B3GALT5: variants seen among roughly 807,000 people sequenced by gnomAD.
B3GALT5 encodes the protein UDP-Gal:betaGlcNAc beta 1,3-galactosyltransferase, polypeptide 5.
For synonymous variants in B3GALT5, 156 were observed against 158.6 expected (o/e 0.98, Z 0.12); for missense variants, 328 against 396.6 (o/e 0.83, Z 1.47).
intron 1 of B3GALT5, among the ~76,000 whole-genome samples, chr21:39,635,222 G>C (rs1430679161): frequency 6.6e-6 from 1 of 152,170 alleles, no homozygotes; most frequent in Non-Finnish European, 1.5e-5. Context: ...TCTTTTGTTA[G>C]TGTTGGGAGG....
chr21:39,638,073 G>A (rs2079241782), intron 1 of B3GALT5, among the ~76,000 whole-genome samples: 1 of 152,182 alleles, frequency 6.6e-6, no homozygotes, highest in African/African-American at 2.4e-5. Flanking sequence ...AAGAGGGGAA[G>A]AGAAGTGCTG....
At position 39,655,571 on chromosome 21, in the gene B3GALT5, G is replaced by T. The variant is rs904918496; in HGVS notation, c.-160-4182G>T. 3.3e-5 allele frequency among the ~76,000 whole-genome samples: 5 copies of T among 152,138 alleles called. No homozygotes were observed. In the East Asian group the frequency reaches 9.7e-4, roughly 29 times the overall value. The stretch of plus-strand genomic sequence containing the variant: ...TCAGCTCACTTGGGAGATTCTCTCT[G>T]CTTGAGGCCAGGGGTAGGTCCAGGT... On this transcript the variant is annotated intron_variant, in intron 2 of 3. Coordinates refer to ENST00000684187, the MANE Select transcript of B3GALT5 (RefSeq NM_001356336.2).
chr21:39,660,822 G>C lies in B3GALT5; in HGVS notation c.263G>C (p.Gly88Ala), dbSNP rs371402650. The change falls in exon 4 of 4, where the codon GGA (glycine) becomes GCA (alanine). Residue 88 changes from glycine (G) to alanine (A), a missense_variant. Transcript: ENST00000684187. Reference sequence around the variant, plus strand: ...TGGGGGAAAGAGAGGATGGTGAAGGGAAAGCAGCTGAAGACATTCTTCCTC... The same window carrying C: ...TGGGGGAAAGAGAGGATGGTGAAGGCAAAGCAGCTGAAGACATTCTTCCTC... ...QTWGKERMVK[G>A]KQLKTFFLLG... 1.9e-6 allele frequency: 3 copies of C among 1,601,622 alleles called. No individual in the cohort carries two copies. The African/African-American group carries it at 4.0e-5, about 21-fold the overall frequency.
chr21:39,647,128 A>G (rs1200602084), intron 2 of B3GALT5, among the ~76,000 whole-genome samples: 1 of 151,878 alleles, frequency 6.6e-6, no homozygotes, highest in Admixed American at 6.6e-5. Context: ...AAAACCAAAA[A>G]CTCCACACAG....
rs2079502428 is a variant in B3GALT5 at position 39,660,540 on chromosome 21, T to C, written c.1-20T>C. The C allele has an allele frequency of 1.4e-6, 2 of 1,409,224 alleles. No individual in the cohort carries two copies. The highest frequency in any genetic ancestry group is 2.1e-5 in the South Asian group (1 of 48,484). The allele number at this position is 1,409,224 out of a possible 1,614,324, so 87.3% of individuals were successfully genotyped here. ...TCCTCATGCTTTTGAGGTCTAATCA[T>C]TGGATTTTGTTCCTTTCAGATGGCT... On this transcript the variant is annotated intron_variant, in intron 3 of 3. Transcript: ENST00000684187.
chr21:39,646,367 C>T (rs756702394), intron 1 of B3GALT5, 25 bp from the exon 2 acceptor site: 3 of 152,208 alleles, frequency 2.0e-5, no homozygotes, highest in African/African-American at 4.8e-5. Flanking sequence ...AATTACCTAA[C>T]GCTCTTAAAT....
At chr21:39,627,752 G>T (rs2079171829) in intron 1 of B3GALT5, among the ~76,000 whole-genome samples, 1 of 152,096 alleles carries the variant, frequency 6.6e-6, no homozygotes, top group Middle Eastern at 3.2e-3. Context: ...AAAGCATAAG[G>T]TGGAGAGGTG....
chr21:39,638,750 C>T (rs1386221417), intron 1 of B3GALT5, among the ~76,000 whole-genome samples: 3 of 152,174 alleles, frequency 2.0e-5, no homozygotes, highest in Non-Finnish European at 4.4e-5. Context: ...CACCCCTAGA[C>T]ACTGCCGTGG....
At position 39,664,496 on chromosome 21, in the gene B3GALT5, G is replaced by A. The variant is rs145982425; in HGVS notation, c.*3004G>A. 655 of 152,692 alleles carry A rather than the reference G, an allele frequency of 4.3e-3. 3 individuals are homozygous for A. Among genetic ancestry groups the A allele is most frequent in the South Asian group, 7.7e-3 (37 of 4,810 alleles). The allele number at this position is 152,692 out of a possible 1,614,324, so 9.5% of individuals were successfully genotyped here. A position where few individuals can be genotyped will look rare whatever the true frequency, so the allele number is the denominator to read the frequency against. ...GATCACCCCATTAGCACACAGACACGCTGCCATTTTCCACCTGACCAGAAA... is the reference window on the plus strand; with the variant it reads ...GATCACCCCATTAGCACACAGACACACTGCCATTTTCCACCTGACCAGAAA... On this transcript the variant is annotated 3_prime_UTR_variant, in exon 4 of 4. Transcript: ENST00000684187.
intron 1 of B3GALT5, among the ~76,000 whole-genome samples, chr21:39,637,030 G>T (rs1336117388): frequency 6.6e-6 from 1 of 152,148 alleles, no homozygotes; most frequent in Non-Finnish European, 1.5e-5. Flanking sequence ...CCCTGCCCTT[G>T]AGAACAGGGG....
At chr21:39,636,531 A>G (rs761183159) in intron 1 of B3GALT5, among the ~76,000 whole-genome samples, 25 of 152,160 alleles carry the variant, frequency 1.6e-4, no homozygotes, top group Admixed American at 7.9e-4. Context: ...ACACTGGCCA[A>G]CAAGGCAGCC....
intron 1 of B3GALT5, among the ~76,000 whole-genome samples, chr21:39,627,477 G>C (rs1163040415): frequency 6.6e-6 from 1 of 152,200 alleles, no homozygotes; most frequent in Admixed American, 6.5e-5. Context: ...TGCTGGCAGA[G>C]AGGAAGTGTT....
intron 2 of B3GALT5, among the ~76,000 whole-genome samples, chr21:39,655,974 G>A (rs1048632138): frequency 1.3e-5 from 2 of 152,154 alleles, no homozygotes; most frequent in Admixed American, 6.5e-5. Context: ...TGGGGTCTTC[G>A]ACCTTGTTTA....
chr21:39,642,844 T>A (rs1351117418), intron 1 of B3GALT5, among the ~76,000 whole-genome samples: 1 of 137,526 alleles, frequency 7.3e-6, no homozygotes, highest in African/African-American at 2.8e-5. Context: ...GAGAACAGAC[T>A]GGGCAACATA....
chr21:39,639,470 CT>C (rs2079271782), intron 1 of B3GALT5, among the ~76,000 whole-genome samples: 2 of 114,050 alleles, frequency 1.8e-5, no homozygotes, highest in Non-Finnish European at 3.8e-5. Context: ...CTTTCTCTCT[CT>C]CTCTCTCTTT....
At chr21:39,645,462 G>C (rs2079328179) in intron 1 of B3GALT5, among the ~76,000 whole-genome samples, 1 of 152,196 alleles carries the variant, frequency 6.6e-6, no homozygotes, top group African/African-American at 2.4e-5. Flanking sequence ...CCCAGCAGGA[G>C]GTAGGGGTTC....
intron 1 of B3GALT5, among the ~76,000 whole-genome samples, chr21:39,619,697 T>A (rs149043373): frequency 6.6e-6 from 1 of 152,344 alleles, no homozygotes; most frequent in East Asian, 1.9e-4. Flanking sequence ...TGTATTTTGT[T>A]TGTTTCTGCC....
At position 39,665,145 on chromosome 21, in the gene B3GALT5, C is replaced by T. The variant is rs1346677385; in HGVS notation, c.*3653C>T. On this transcript the variant is annotated 3_prime_UTR_variant, in exon 4 of 4. Coordinates refer to ENST00000684187, the MANE Select transcript of B3GALT5 (RefSeq NM_001356336.2). ...CCATTCCCGTCTCAGGTAATGGCCA[C>T]TCCATCTTCCTGCAGCTCAAGTGGG... 5 of 152,218 alleles carry T rather than the reference C, an allele frequency of 3.3e-5. No individual in the cohort carries two copies. Among genetic ancestry groups the T allele is most frequent in the African/African-American group, 9.7e-5 (4 of 41,410 alleles). The allele number at this position is 152,218 out of a possible 1,614,324, so 9.4% of individuals were successfully genotyped here.
At chr21:39,630,943 T>A (rs955890872) in intron 1 of B3GALT5, among the ~76,000 whole-genome samples, 1 of 151,976 alleles carries the variant, frequency 6.6e-6, no homozygotes, top group African/African-American at 2.4e-5. Context: ...GGAAAAAAAA[T>A]TTTCCTTTCA....
Sources: gnomAD v4.1 joint callset for allele counts (sites outside exome capture counted in the v4.1 genomes callset) on GRCh38, gnomAD v4.1.1 for gene constraint, MANE v1.5 for transcripts, NCBI Gene and HGNC (gene_info 2026-07-23, HGNC 2026-07-21) for gene names.